RGPD4: variants seen among roughly 807,000 people sequenced by gnomAD.
RGPD4 encodes the protein RANBP2 like and GRIP domain containing 4.
A neutral mutation model predicts 141.1 loss-of-function variants in RGPD4; 84 were observed. The observed-to-expected ratio is 0.60, with a 90% CI of 0.50 to 0.71. The LOEUF is 0.71. Among genes scored for constraint, RGPD4 ranks in the 30% least tolerant of loss-of-function variants. The pLI is 0.00. For synonymous variants in RGPD4, 298 were observed against 566.8 expected, an observed-to-expected ratio of 0.53 and a Z score of 6.74; for missense variants, 918 against 1,622.4, an observed-to-expected ratio of 0.57 and a Z score of 7.46.
At chr2:107,884,848 G>C (rs1213054395) in intron 22 of RGPD4, among the ~76,000 whole-genome samples, 1 of 152,144 alleles carries the variant, frequency 6.6e-6, no homozygotes, top group Non-Finnish European at 1.5e-5. Flanking sequence ...TGCATTTTTA[G>C]CAATTTGTTG....
In RGPD4 at chr2:107,857,864, T is replaced by A. The variant is rs1215673619; in HGVS notation, c.1276+895T>A. 2.0e-5 allele frequency among the ~76,000 whole-genome samples: 3 copies of A among 151,810 alleles called. 1 individual carries two copies. The highest frequency in any genetic ancestry group is 4.4e-5 in the Non-Finnish European group (3 of 68,006). On this transcript the variant is annotated intron_variant, in intron 9 of 22. Transcript: ENST00000408999. ...AAAATTATCCGGGGGTGGTGGCATG[T>A]GCCTGTAGTCCCTACTCAGGAGGCT...
rs552642956 is a variant in RGPD4, at chr2:107,831,206, A to C, written c.72+4121A>C. On this transcript the variant is annotated intron_variant, in intron 1 of 22. Coordinates refer to ENST00000408999, the MANE Select transcript of RGPD4 (RefSeq NM_182588.3). ...AAAGAAAAAAAGAAAAAAAATATAT[A>C]ATTCTTTCTCTAGTTTTTCTTTTTC... 1.3e-3 allele frequency among the ~76,000 whole-genome samples: 190 copies of C among 146,442 alleles called. 4 individuals carry two copies. The highest frequency in any genetic ancestry group is 2.4e-3 in the Non-Finnish European group (154 of 65,530).
chr2:107,876,865 G>C (rs1320149124), intron 20 of RGPD4, among the ~76,000 whole-genome samples: 8 of 152,174 alleles, frequency 5.3e-5, no homozygotes, highest in African/African-American at 1.9e-4. Context: ...TAAGCAGTCA[G>C]CTTACCAGAA....
At chr2:107,847,303 AT>A (rs1057329464) in intron 6 of RGPD4, among the ~76,000 whole-genome samples, 1 of 137,532 alleles carries the variant, frequency 7.3e-6, no homozygotes, top group African/African-American at 2.8e-5. Flanking sequence ...TAATATATAA[AT>A]TTTTTTGGTA....
intron 7 of RGPD4, among the ~76,000 whole-genome samples, chr2:107,848,961 AT>A (rs1325277455): frequency 2.5e-5 from 1 of 40,322 alleles, no homozygotes; most frequent in Non-Finnish European, 4.6e-5. Context: ...TAACATGTTA[AT>A]TGAAACACAT....
chr2:107,829,566 T>TGGCTCAGGCGTCATGGCTCCCGAC (rs1681388511), intron 1 of RGPD4, among the ~76,000 whole-genome samples: 1 of 149,144 alleles, frequency 6.7e-6, no homozygotes, highest in East Asian at 2.0e-4. Flanking sequence ...GCGGCCTCGA[T>TGGCTCAGGCGTCATGGCTCCCGAC]GGCTCAGGCG....
chr2:107,857,217 A>T (rs945882381), intron 9 of RGPD4, among the ~76,000 whole-genome samples: 7 of 150,844 alleles, frequency 4.6e-5, no homozygotes, highest in Non-Finnish European at 1.0e-4. Context: ...GGCTCACTGT[A>T]ACCTCTGCCT....
Position 107,882,752 on chromosome 2 carries a change from C to T in RGPD4, c.5145C>T (p.Asn1715=), listed in dbSNP as rs200239667. The T allele has an allele frequency of 9.7e-5, 157 of 1,611,538 alleles. 1 individual carries two copies. In the East Asian group the frequency reaches 1.4e-3, roughly 14 times the overall value. Residue 1715 remains asparagine, a synonymous_variant, in exon 22 of 23, where the codon AAC becomes AAT. Coordinates refer to ENST00000408999, the MANE Select transcript of RGPD4 (RefSeq NM_182588.3). ...ESAANVEHLK[N]VLLQFIFLKP... is the part of the protein sequence containing the mutation. ...CAGCTAACGTGGAACACTTGAAGAA[C>T]GTCTTGCTGCAGTTCATTTTCTTGA... is the stretch of plus-strand genomic sequence containing the variant.
Position 107,836,551 on chromosome 2 carries a change from G to T in RGPD4, c.73-51G>T, listed in dbSNP as rs865854808. On this transcript the variant is annotated intron_variant, in intron 1 of 22. Transcript: ENST00000408999. The stretch of plus-strand genomic sequence containing the variant: ...AGATTTTTACTACTTTTGAAAAAAT[G>T]TTGGAAAATATTTCTGTATGAAATG... 145 of 1,450,310 alleles carry T rather than the reference G, an allele frequency of 1.0e-4. No homozygotes were observed. In the Middle Eastern group the frequency reaches 1.8e-3, roughly 18 times the overall value. The allele number at this position is 1,450,310 out of a possible 1,614,324, so 89.8% of individuals were successfully genotyped here. A position where few individuals can be genotyped will look rare whatever the true frequency, so the allele number is the denominator to read the frequency against.
chr2:107,889,741 G>A (rs1490758544), intron 22 of RGPD4, among the ~76,000 whole-genome samples: 8 of 150,004 alleles, frequency 5.3e-5, no homozygotes, highest in Middle Eastern at 3.4e-3. Context: ...TTTACTATAA[G>A]TAAGTTGTAC....
intron 6 of RGPD4, among the ~76,000 whole-genome samples, chr2:107,846,229 C>G (rs984492457): frequency 1.2e-4 from 18 of 149,164 alleles, no homozygotes; most frequent in Non-Finnish European, 8.9e-5. Context: ...CCCGGCTGGT[C>G]TCGATCTCTT....
intron 18 of RGPD4, among the ~76,000 whole-genome samples, chr2:107,867,270 T>A (rs1241711734): frequency 6.6e-6 from 1 of 152,002 alleles, no homozygotes; most frequent in African/African-American, 2.4e-5. Context: ...TAGTGCCCTT[T>A]TTTTTCTCTC....
At chr2:107,857,151 T>A (rs911185654) in intron 9 of RGPD4, among the ~76,000 whole-genome samples, 182 bp downstream of exon 9, 1 of 143,446 alleles carries the variant, frequency 7.0e-6, no homozygotes, top group Non-Finnish European at 1.5e-5. Context: ...TTGTTGTTGT[T>A]TTTGAGACCA....
chr2:107,833,652 A>G (rs1273132852), intron 1 of RGPD4, among the ~76,000 whole-genome samples: 2 of 150,468 alleles, frequency 1.3e-5, no homozygotes, highest in East Asian at 1.9e-4. Flanking sequence ...AAGATTGTCT[A>G]CTTTAATAAC....
At chr2:107,831,579 T>G (rs1303318795) in intron 1 of RGPD4, among the ~76,000 whole-genome samples, 1 of 137,816 alleles carries the variant, frequency 7.3e-6, no homozygotes, top group Non-Finnish European at 1.6e-5. Flanking sequence ...TTTCTTTTTT[T>G]TTTTTTTTTT....
chr2:107,859,886 T>G (rs1392340222), intron 12 of RGPD4, 41 bp downstream of exon 12: 1 of 1,549,100 alleles, frequency 6.5e-7, no homozygotes, highest in African/African-American at 1.5e-5. Flanking sequence ...AACATTACCT[T>G]AATTTTTTAA....
At chr2:107,835,614 G>A in intron 1 of RGPD4, among the ~76,000 whole-genome samples, 1 of 151,610 alleles carries the variant, frequency 6.6e-6, no homozygotes, top group Non-Finnish European at 1.5e-5. Context: ...CATGGTAGGA[G>A]AAGAGATTTC....
intron 2 of RGPD4, among the ~76,000 whole-genome samples, chr2:107,836,980 T>TTAGA (rs1681685017): frequency 8.0e-6 from 1 of 125,368 alleles, no homozygotes; most frequent in Non-Finnish European, 1.6e-5. Context: ...TTGTTTTTGG[T>TTAGA]TAGATATCTG....
intron 1 of RGPD4, among the ~76,000 whole-genome samples, chr2:107,830,942 C>A (rs1457312335): frequency 1.3e-5 from 2 of 152,156 alleles, no homozygotes; most frequent in African/African-American, 2.4e-5. Context: ...TAAAAATATT[C>A]TTCGTCTGTA....
Sources: allele counts gnomAD v4.1 joint callset (sites outside exome capture counted in the v4.1 genomes callset), GRCh38; gene constraint gnomAD v4.1.1; transcripts MANE v1.5; gene names NCBI Gene and HGNC (gene_info 2026-07-23, HGNC 2026-07-21).